Variants in TBC1D19 observed in about 807,000 individuals in gnomAD.
TBC1D19 encodes the protein TBC1 domain family member 19.
A neutral mutation model predicts 89.0 loss-of-function variants in TBC1D19; 60 were observed. That is an observed-to-expected ratio of 0.67 (90% confidence interval 0.55 to 0.84). TBC1D19 has a LOEUF of 0.84. TBC1D19 is among the 40% of genes least tolerant of loss of function. TBC1D19 has a pLI of 0.00. For synonymous variants in TBC1D19, 189 were observed against 199.7 expected (o/e 0.95, Z 0.45); for missense variants, 500 against 610.8 (o/e 0.82, Z 1.91).
the TBC1D19 span, among the ~76,000 whole-genome samples, chr4:26,790,750 G>C: frequency 2.6e-5 from 4 of 152,238 alleles, no homozygotes; most frequent in African/African-American, 9.6e-5. Flanking sequence ...ACTTTCCTAT[G>C]TTTCTTGAAG....
chr4:26,759,792 C>A (rs77609053), downstream of TBC1D19, among the ~76,000 whole-genome samples: 1,938 of 152,252 alleles, frequency 0.013, 34 homozygotes, highest in African/African-American at 0.044. Flanking sequence ...GATAGTAGTT[C>A]ATTCCTTTTT....
chr4:26,611,464 A>G (rs185735192), intron 1 of TBC1D19, among the ~76,000 whole-genome samples: 1 of 151,990 alleles, frequency 6.6e-6, no homozygotes, highest in Non-Finnish European at 1.5e-5. Context: ...TGCCCTTTGT[A>G]TGTCTTATAA....
At chr4:26,779,763 A>C in the TBC1D19 span, among the ~76,000 whole-genome samples, 1 of 152,158 alleles carries the variant, frequency 6.6e-6, no homozygotes, top group South Asian at 2.1e-4. Flanking sequence ...ATGACACACA[A>C]TATGTGGTCT....
chr4:26,630,445 G>T (rs902371826), intron 4 of TBC1D19, among the ~76,000 whole-genome samples: 3 of 151,638 alleles, frequency 2.0e-5, no homozygotes, highest in Non-Finnish European at 4.4e-5. Context: ...TATTTATTTT[G>T]GGGTGCTAAA....
intron 1 of TBC1D19, among the ~76,000 whole-genome samples, chr4:26,590,482 C>T (rs1198151091): frequency 6.6e-6 from 1 of 152,016 alleles, no homozygotes; most frequent in African/African-American, 2.4e-5. Flanking sequence ...AGTGCTGCCT[C>T]CCTTTTAAAA....
In TBC1D19 at chr4:26,742,488, T is replaced by C; in HGVS notation, c.1228-20T>C. The C allele has an allele frequency of 6.5e-7, 1 of 1,546,802 alleles. No individual in the cohort carries two copies. The highest frequency in any genetic ancestry group is 1.3e-5 in the South Asian group (1 of 79,110). On this transcript the variant is annotated intron_variant, in intron 17 of 20. Transcript: ENST00000264866. ...AATATTAAAATATCTATTTCTCTTA[T>C]GATTCATTATTGTATCCAGGGTATT...
chr4:26,710,476 A>T lies in TBC1D19; in HGVS notation c.955-7457A>T, dbSNP rs551840036. On this transcript the variant is annotated intron_variant, in intron 13 of 20. Coordinates refer to ENST00000264866, the MANE Select transcript of TBC1D19 (RefSeq NM_018317.4). ...TTCCAAGTCTTTGCTATTGTGTATA[A>T]TGCCTCAATAAACATACGTGTGCAT... is the stretch of plus-strand genomic sequence containing the variant. Among the ~76,000 whole-genome samples, 7 of 152,172 alleles carry T rather than the reference A, an allele frequency of 4.6e-5. No homozygotes were observed. In the East Asian group the frequency reaches 9.7e-4, roughly 21 times the overall value.
intron 1 of TBC1D19, among the ~76,000 whole-genome samples, chr4:26,610,772 G>A (rs1195453006): frequency 3.3e-5 from 5 of 151,800 alleles, no homozygotes; most frequent in Non-Finnish European, 5.9e-5. Context: ...GTTGCTAGAC[G>A]TGATCTCGTT....
At chr4:26,717,020 C>T (rs773359305) in intron 13 of TBC1D19, among the ~76,000 whole-genome samples, 2 of 152,052 alleles carry the variant, frequency 1.3e-5, no homozygotes, top group Non-Finnish European at 2.9e-5. Context: ...GAAAACAAAG[C>T]AGTGGCAGTG....
the TBC1D19 span, among the ~76,000 whole-genome samples, chr4:26,815,482 A>G: frequency 6.6e-6 from 1 of 152,228 alleles, no homozygotes; most frequent in Non-Finnish European, 1.5e-5. Context: ...TTTAGTGAAC[A>G]AGACACATTC....
chr4:26,833,265 A>C, the TBC1D19 span, among the ~76,000 whole-genome samples: 1 of 152,188 alleles, frequency 6.6e-6, no homozygotes, highest in Non-Finnish European at 1.5e-5. Flanking sequence ...GATGCAATGC[A>C]TACACAAGAA....
intron 13 of TBC1D19, among the ~76,000 whole-genome samples, chr4:26,695,821 CA>C (rs1241868238): frequency 6.6e-6 from 1 of 152,094 alleles, no homozygotes. Flanking sequence ...GAGATTTTGT[CA>C]CCACCAGGCC....
the TBC1D19 span, among the ~76,000 whole-genome samples, chr4:26,840,883 C>G: frequency 2.6e-5 from 4 of 152,304 alleles, no homozygotes; most frequent in South Asian, 8.3e-4. Context: ...ACTTCTCAGC[C>G]TGAGAAGAGT....
At chr4:26,746,250 T>C (rs967006797) in intron 18 of TBC1D19, among the ~76,000 whole-genome samples, 6 of 139,296 alleles carry the variant, frequency 4.3e-5, no homozygotes, top group East Asian at 2.1e-4. Flanking sequence ...TTTTTTTTTT[T>C]CCATAGAGAT....
At chr4:26,681,274 C>T (rs1286151948) in intron 11 of TBC1D19, among the ~76,000 whole-genome samples, 5 of 151,934 alleles carry the variant, frequency 3.3e-5, no homozygotes, top group Admixed American at 6.6e-5. Flanking sequence ...CGTGGTGGCT[C>T]ACACCTGTAA....
chr4:26,807,375 G>A, the TBC1D19 span, among the ~76,000 whole-genome samples: 1 of 152,210 alleles, frequency 6.6e-6, no homozygotes, highest in Admixed American at 6.5e-5. Flanking sequence ...TCCACTGGTT[G>A]GATAGTTCTG....
chr4:26,807,861 C>G, the TBC1D19 span, among the ~76,000 whole-genome samples: 1 of 152,166 alleles, frequency 6.6e-6, no homozygotes, highest in African/African-American at 2.4e-5. Flanking sequence ...TGCGAGGCAC[C>G]ATTAACTTCA....
intron 10 of TBC1D19, among the ~76,000 whole-genome samples, chr4:26,673,011 A>G (rs923660498): frequency 6.6e-6 from 1 of 151,860 alleles, no homozygotes; most frequent in African/African-American, 2.4e-5. Flanking sequence ...AGTTGTTTTG[A>G]TATGTCTTTT....
At position 26,735,505 on chromosome 4, in the gene TBC1D19, A is replaced by C; in HGVS notation, c.1117+18A>C. On this transcript the variant is annotated intron_variant, in intron 16 of 20. Transcript: ENST00000264866. ...AATGTATGGTAAGTTGGGCTTTAAA[A>C]ACATCATAATGTACACAAAACATAC... 6.4e-7 allele frequency: 1 copy of C among 1,559,168 alleles called. No individual in the cohort carries two copies.
Sources: gnomAD v4.1 joint callset for allele counts (sites outside exome capture counted in the v4.1 genomes callset) on GRCh38, gnomAD v4.1.1 for gene constraint, MANE v1.5 for transcripts, NCBI Gene and HGNC (gene_info 2026-07-23, HGNC 2026-07-21) for gene names.